Variants in SPIDR observed in about 807,000 individuals in gnomAD.
SPIDR encodes scaffold protein involved in DNA repair.
A neutral mutation model predicts 104.6 loss-of-function variants in SPIDR; 93 were observed. The ratio of observed to expected loss-of-function variants is 0.89; its 90% CI spans 0.75 to 1.06. The LOEUF is 1.06. Ranked by LOEUF, SPIDR falls within the 50% of genes least tolerant of loss-of-function variation. The probability of loss-of-function intolerance (pLI) is 0.00; values close to 1 mark genes in which losing one functional copy is unlikely to be tolerated. For missense variants in SPIDR, 1,154 were observed against 1,111.2 expected (o/e 1.04, Z -0.55); for synonymous variants, 431 against 416.9 (o/e 1.03, Z -0.41).
chr8:47,290,962 G>A (rs2039812649), intron 3 of SPIDR, 71 bp from the exon 4 acceptor site: 11 of 1,160,718 alleles, frequency 9.5e-6, no homozygotes, highest in Non-Finnish European at 9.7e-6. Flanking sequence ...AAAATTACAT[G>A]CATAAAATTG....
intron 5 of SPIDR, among the ~76,000 whole-genome samples, chr8:47,355,149 T>C (rs1554624950): frequency 6.6e-6 from 1 of 151,824 alleles, no homozygotes; most frequent in Non-Finnish European, 1.5e-5. Context: ...AAAGACAGGG[T>C]TTCAGCACAT....
At chr8:47,379,799 C>T (rs1197253214) in intron 5 of SPIDR, among the ~76,000 whole-genome samples, 1 of 152,144 alleles carries the variant, frequency 6.6e-6, no homozygotes, top group Non-Finnish European at 1.5e-5. Flanking sequence ...CCCCTTGATC[C>T]CTGTTGCCTT....
intron 5 of SPIDR, among the ~76,000 whole-genome samples, chr8:47,331,989 C>CTCT (rs2048799335): frequency 2.8e-5 from 1 of 36,324 alleles, no homozygotes; most frequent in Non-Finnish European, 5.5e-5. Context: ...TTTTTTTTCT[C>CTCT]TTTTTTTTTT....
At chr8:47,308,278 G>A (rs587705753) in intron 5 of SPIDR, among the ~76,000 whole-genome samples, 6 of 151,510 alleles carry the variant, frequency 4.0e-5, no homozygotes, top group Non-Finnish European at 8.8e-5. Flanking sequence ...GCCCAGGCTC[G>A]TCTCAAACTC....
intron 5 of SPIDR, among the ~76,000 whole-genome samples, chr8:47,318,314 C>T (rs564791526): frequency 4.0e-5 from 6 of 151,680 alleles, no homozygotes; most frequent in East Asian, 3.9e-4. Flanking sequence ...CCTCAGTAGC[C>T]GATTCGATCA....
At chr8:47,467,412 A>G (rs1479658298) in intron 8 of SPIDR, among the ~76,000 whole-genome samples, 1 of 152,190 alleles carries the variant, frequency 6.6e-6, no homozygotes, top group Non-Finnish European at 1.5e-5. Context: ...CACAACAAAA[A>G]AGAAAACTTT....
chr8:47,471,590 A>G (rs1267460324), intron 8 of SPIDR, among the ~76,000 whole-genome samples: 1 of 152,186 alleles, frequency 6.6e-6, no homozygotes, highest in Non-Finnish European at 1.5e-5. Flanking sequence ...ATTACTAAGG[A>G]AAACAGTTCG....
intron 8 of SPIDR, among the ~76,000 whole-genome samples, chr8:47,481,603 A>T (rs576128837): frequency 6.6e-6 from 1 of 152,270 alleles, no homozygotes; most frequent in South Asian, 2.1e-4. Context: ...TTTGCTTACC[A>T]CTGTATTTCT....
In SPIDR at chr8:47,640,714, A is replaced by G. The variant is rs566164703; in HGVS notation, c.1545-33087A>G. The stretch of plus-strand genomic sequence containing the variant: ...TGTTTTTGAGACGGAGCCTCGCTCT[A>G]TCGCCCAGGCTGGAGTGCAGTGGCA... On this transcript the variant is annotated intron_variant, in intron 10 of 19. Coordinates refer to ENST00000297423, the MANE Select transcript of SPIDR (RefSeq NM_001080394.4). Among the ~76,000 whole-genome samples, 23 of 151,778 alleles carry G rather than the reference A, an allele frequency of 1.5e-4. 1 individual carries two copies. The highest frequency in any genetic ancestry group is 8.5e-4 in the Admixed American group (13 of 15,236).
At chr8:47,291,238 C>A in intron 4 of SPIDR, 101 bp downstream of exon 4, 1 of 695,718 alleles carries the variant, frequency 1.4e-6, no homozygotes, top group Non-Finnish European at 2.3e-6. Flanking sequence ...TGTTAGGAAT[C>A]CAGTTTCTGT....
intron 2 of SPIDR, among the ~76,000 whole-genome samples, chr8:47,281,635 T>G (rs1240353193): frequency 6.6e-6 from 1 of 152,260 alleles, no homozygotes; most frequent in African/African-American, 2.4e-5. Context: ...CAGTCATATC[T>G]TCAGGTTCTA....
chr8:47,395,216 C>G (rs1465945709), intron 5 of SPIDR, among the ~76,000 whole-genome samples: 1 of 151,932 alleles, frequency 6.6e-6, no homozygotes, highest in African/African-American at 2.4e-5. Context: ...GGGCATCGTG[C>G]TGGGCACCTG....
intron 8 of SPIDR, among the ~76,000 whole-genome samples, chr8:47,539,126 G>T (rs1587409447): frequency 6.6e-6 from 1 of 152,144 alleles, no homozygotes; most frequent in African/African-American, 2.4e-5. Flanking sequence ...CTCCCAAAGT[G>T]CTGGGATTAC....
At position 47,611,626 on chromosome 8, in the gene SPIDR, A is replaced by T. The variant is rs543201452; in HGVS notation, c.1544+12430A>T. Among the ~76,000 whole-genome samples, 417 of 152,146 alleles carry T rather than the reference A, an allele frequency of 2.7e-3. 1 individual carries two copies. Among genetic ancestry groups the T allele is most frequent in the African/African-American group, 9.8e-3 (407 of 41,518 alleles). ...GGCAGGAGAGTGGCGTCAACCCAGGAGGCGGAGCTTGCAGTGAGCCCAGAT... is the reference window on the plus strand; with the variant it reads ...GGCAGGAGAGTGGCGTCAACCCAGGTGGCGGAGCTTGCAGTGAGCCCAGAT... On this transcript the variant is annotated intron_variant, in intron 10 of 19. Coordinates refer to ENST00000297423, the MANE Select transcript of SPIDR (RefSeq NM_001080394.4).
At position 47,700,470 on chromosome 8, in the gene SPIDR, C is replaced by T. The variant is rs772094522; in HGVS notation, c.1753C>T (p.Arg585Cys). 11 of 1,614,038 alleles carry T rather than the reference C, an allele frequency of 6.8e-6. No homozygotes were observed. Among genetic ancestry groups the T allele is most frequent in the Admixed American group, 5.0e-5 (3 of 59,992 alleles). ...PPAIPLKTPG[R>C]DQPCEEIKTH... ...AGCGATACCTCTGAAAACACCTGGC[C>T]GCGACCAGCCCTGTGAAGAGGTAAG... The change falls in exon 12 of 20, where the codon CGC (arginine) becomes TGC (cysteine). Residue 585 changes from arginine to cysteine, a missense_variant. By Grantham distance (180) the Arg-to-Cys change is radical. Transcript: ENST00000297423.
At chr8:47,503,154 C>T (rs556184982) in intron 8 of SPIDR, among the ~76,000 whole-genome samples, 13 of 152,206 alleles carry the variant, frequency 8.5e-5, no homozygotes, top group East Asian at 3.9e-4. Context: ...CTATTAGTTC[C>T]GCTTGGTGCA....
chr8:47,541,305 C>CT (rs1411088274), intron 8 of SPIDR, among the ~76,000 whole-genome samples: 1 of 152,220 alleles, frequency 6.6e-6, no homozygotes, highest in Non-Finnish European at 1.5e-5. Flanking sequence ...TTGCTCATGT[C>CT]TATACCACCA....
intron 10 of SPIDR, among the ~76,000 whole-genome samples, chr8:47,624,632 T>A (rs2065731093): frequency 6.6e-6 from 1 of 151,886 alleles, no homozygotes; most frequent in African/African-American, 2.4e-5. Flanking sequence ...AACTAGAAAA[T>A]CTAGAAGAAA....
rs117390667 is a variant in SPIDR at position 47,615,174 on chromosome 8, G to A, written c.1544+15978G>A. Reference sequence around the variant, plus strand: ...CAGCCTCAAACTCTTGGACTCAGGCGAGCTTCTCAAAGTGCTGGGATTGTA... The same window carrying A: ...CAGCCTCAAACTCTTGGACTCAGGCAAGCTTCTCAAAGTGCTGGGATTGTA... On this transcript the variant is annotated intron_variant, in intron 10 of 19. Transcript: ENST00000297423. 1.0e-2 allele frequency among the ~76,000 whole-genome samples: 1,518 copies of A among 151,882 alleles called. 13 individuals are homozygous for A. Among genetic ancestry groups the A allele is most frequent in the Non-Finnish European group, 0.016 (1,096 of 67,938 alleles).
Sources: allele counts gnomAD v4.1 joint callset (sites outside exome capture counted in the v4.1 genomes callset), GRCh38; gene constraint gnomAD v4.1.1; transcripts MANE v1.5; gene names NCBI Gene and HGNC (gene_info 2026-07-23, HGNC 2026-07-21).